The following USF2 variants were observed in gnomAD, a reference collection of about 807,000 sequenced individuals.
USF2 encodes upstream transcription factor 2, c-fos interacting.
In USF2, 16 loss-of-function variants were observed where a neutral mutation model predicts 46.9. That is an observed-to-expected ratio of 0.34 (90% CI 0.23 to 0.52). The LOEUF (loss-of-function observed/expected upper bound fraction) is 0.52. Among genes scored for constraint, USF2 ranks in the 20% least tolerant of loss-of-function variants. The pLI is 0.96. For missense variants in USF2, 411 were observed against 474.0 expected (o/e 0.87, Z 1.23); for synonymous variants, 239 against 194.1 (o/e 1.23, Z -1.92).
intron 4 of USF2, 24 bp from the exon 5 acceptor site, chr19:35,270,423 A>G: frequency 1.9e-6 from 3 of 1,602,552 alleles, no homozygotes; most frequent in Non-Finnish European, 2.6e-6. Flanking sequence ...AGCTAAGGGT[A>G]GCCTCTGCCC....
chr19:35,270,317 T>C (rs1393180845), intron 4 of USF2, 130 bp from the exon 5 acceptor site: 9 of 1,341,566 alleles, frequency 6.7e-6, no homozygotes, highest in Non-Finnish European at 9.1e-6. Flanking sequence ...CAGGACAGAA[T>C]GCTACACGCA....
At chr19:35,273,960 G>C (rs1296299957) in intron 7 of USF2, among the ~76,000 whole-genome samples, 2 of 152,200 alleles carry the variant, frequency 1.3e-5, no homozygotes, top group African/African-American at 4.8e-5. Flanking sequence ...CCTTGTAGGT[G>C]TTCCTCTTTT....
chr19:35,278,584 C>G (rs1340609754), intron 7 of USF2, 114 bp from the exon 8 acceptor site: 1 of 1,057,508 alleles, frequency 9.5e-7, no homozygotes, highest in Admixed American at 2.0e-5. Flanking sequence ...GCTGTGGTCT[C>G]GGTGGGGCCT....
chr19:35,270,211 G>A, intron 4 of USF2: 1 of 861,140 alleles, frequency 1.2e-6, no homozygotes, highest in Non-Finnish European at 1.7e-6. Flanking sequence ...AAATGGGAAT[G>A]ATGTGTCTTA....
chr19:35,270,452 G>A lies in USF2; in HGVS notation c.435G>A (p.Val145=), dbSNP rs367723306. 6.2e-7 allele frequency: 1 copy of A among 1,612,908 alleles called. No individual in the cohort carries two copies. The highest frequency in any genetic ancestry group is 1.3e-5 in the African/African-American group (1 of 75,036). ...TCTGCCCTCCTACTCCCCAGGCTGT[G>A]ATCCAAAATCCCTTCAGCAATGGTG... ...PGPAAPFPLA[V]IQNPFSNGGS... Residue 145 remains valine, a synonymous_variant, in exon 5 of 10, where the codon GTG becomes GTA. Coordinates refer to ENST00000222305, the MANE Select transcript of USF2 (RefSeq NM_003367.4).
intron 7 of USF2, chr19:35,274,948 G>A (rs1415021606): frequency 7.8e-6 from 1 of 128,420 alleles, no homozygotes; most frequent in Non-Finnish European, 1.7e-5. Context: ...GCTAGAAATC[G>A]AGACTTATGT....
chr19:35,271,606 A>G (rs945701953), intron 7 of USF2, among the ~76,000 whole-genome samples: 3 of 152,166 alleles, frequency 2.0e-5, no homozygotes, highest in African/African-American at 4.8e-5. Flanking sequence ...GCCTCTGGCT[A>G]CCTAAGGCCG....
At chr19:35,274,358 T>C (rs1017708211) in intron 7 of USF2, among the ~76,000 whole-genome samples, 4 of 152,330 alleles carry the variant, frequency 2.6e-5, no homozygotes, top group African/African-American at 7.2e-5. Flanking sequence ...GTTTCTCTTC[T>C]GTGGTGATTT....
chr19:35,269,457 G>A lies in USF2; in HGVS notation c.74G>A (p.Gly25Glu), dbSNP rs777135887. 3 of 1,543,878 alleles carry A rather than the reference G, an allele frequency of 1.9e-6. No individual in the cohort carries two copies. The highest frequency in any genetic ancestry group is 2.6e-6 in the Non-Finnish European group (3 of 1,153,876). The change falls in exon 2 of 10, where the codon GGA becomes GAA. Residue 25 changes from glycine (G) to glutamate (E), a missense_variant. Gly to Glu is a moderately conservative substitution (Grantham distance 98, BLOSUM62 -2). This residue lies in a region of USF2 where 318 missense variants were observed against 322.4 expected (regional missense o/e 0.99). Transcript: ENST00000222305. ...TAAAAASHDK[G>E]PEAEEGVELQ... is the part of the protein sequence containing the mutation. ...TGTGCCCCTGGCAGCCACGACAAGG[G>A]ACCCGAGGCGGAGGAGGGCGTCGAG...
Position 35,269,895 on chromosome 19 carries a change from C to CG in USF2, c.322dup (p.Ala108GlyfsTer119). 7.1e-7 allele frequency: 1 copy of CG among 1,401,400 alleles called. No homozygotes were observed. The highest frequency in any genetic ancestry group is 9.2e-7 in the Non-Finnish European group (1 of 1,086,698). The allele number at this position is 1,401,400 out of a possible 1,614,324, so 86.8% of individuals were successfully genotyped here. ...TCAGCGTCGTGTCCACCGCTGCCTT[C>CG]GCGGGGGGGCAGCAGGCTGTGACCC... is the stretch of plus-strand genomic sequence containing the variant. On this transcript the variant is annotated frameshift_variant, in exon 4 of 10. Coordinates refer to ENST00000222305, the MANE Select transcript of USF2 (RefSeq NM_003367.4). LOFTEE classifies it high-confidence loss of function.
Position 35,269,134 on chromosome 19 carries a change from T to C in USF2, c.33T>C (p.Ala11=). 1 of 854,706 alleles carries C rather than the reference T, an allele frequency of 1.2e-6. No individual in the cohort carries two copies. Among genetic ancestry groups the C allele is most frequent in the Non-Finnish European group, 1.4e-6 (1 of 712,642 alleles). 52.9% of individuals were successfully genotyped at this position (854,706 alleles called of 1,614,324 possible). A position where few individuals can be genotyped will look rare whatever the true frequency, so the allele number is the denominator to read the frequency against. ...TGCTGGACCCGGGTCTGGATCCCGC[T>C]GCCTCGGCCACCGCTGCTGCCGCCG... MDMLDPGLDP[A]ASATAAAAAS... is the part of the protein sequence containing the mutation. The change falls in exon 1 of 10, where the codon GCT becomes GCC. Residue 11 remains alanine, a synonymous_variant. Transcript: ENST00000222305.
At chr19:35,269,746 C>G (rs988096114) in intron 3 of USF2, 47 bp downstream of exon 3, 32 of 1,468,446 alleles carry the variant, frequency 2.2e-5, no homozygotes, top group African/African-American at 7.4e-5. Flanking sequence ...GCGGGCGCGC[C>G]GGGAAGGCTC....
chr19:35,275,794 T>G (rs1428005715), intron 7 of USF2: 1 of 152,178 alleles, frequency 6.6e-6, no homozygotes, highest in Non-Finnish European at 1.5e-5. Context: ...TCCTTGAAAT[T>G]CGATGAGACT....
chr19:35,271,037 A>G (rs2066147205), intron 6 of USF2, 46 bp from the exon 7 acceptor site: 1 of 1,607,416 alleles, frequency 6.2e-7, no homozygotes, highest in Non-Finnish European at 8.5e-7. Context: ...TTGGGCAAAC[A>G]GCTCTGCGAT....
intron 7 of USF2, 146 bp downstream of exon 7, chr19:35,271,287 G>A: frequency 4.6e-6 from 4 of 876,710 alleles, no homozygotes; most frequent in Non-Finnish European, 7.1e-6. Context: ...TGTAAAGGTA[G>A]AAAGTGAGCA....
chr19:35,272,808 C>A (rs2066175983), intron 7 of USF2, among the ~76,000 whole-genome samples: 1 of 151,938 alleles, frequency 6.6e-6, no homozygotes. Context: ...GAACTCCCCT[C>A]CATGCTTGGA....
Position 35,279,203 on chromosome 19 carries a change from G to A in USF2, c.988G>A (p.Ala330Thr), listed in dbSNP as rs369112998. The change falls in exon 10 of 10, where the codon GCC becomes ACC. Residue 330 changes from alanine (A) to threonine (T), a missense_variant. Transcript: ENST00000222305. ...ELKNENALLR[A>T]QLQQHNLEMV... is the part of the protein sequence containing the mutation. ...GAAGAATGAGAACGCCCTGCTTCGA[G>A]CCCAGCTGCAGCAGCACAACCTGGA... 8 of 1,597,730 alleles carry A rather than the reference G, an allele frequency of 5.0e-6. No individual in the cohort carries two copies. The highest frequency in any genetic ancestry group is 6.8e-6 in the Non-Finnish European group (8 of 1,171,912).
In USF2 at chr19:35,269,898, G is replaced by T. The variant is rs1273148049; in HGVS notation, c.324G>T (p.Ala108=). 2 of 1,398,072 alleles carry T rather than the reference G, an allele frequency of 1.4e-6. No individual in the cohort carries two copies. The highest frequency in any genetic ancestry group is 1.8e-6 in the Non-Finnish European group (2 of 1,085,064). 86.6% of individuals were successfully genotyped at this position (1,398,072 alleles called of 1,614,324 possible). ...GCGTCGTGTCCACCGCTGCCTTCGC[G>T]GGGGGGCAGCAGGCTGTGACCCAGG... ...AVSVVSTAAF[A]GGQQAVTQVG... Residue 108 remains alanine (A), a synonymous_variant, in exon 4 of 10, where the codon GCG becomes GCT. Transcript: ENST00000222305.
chr19:35,269,808 A>C lies in USF2; in HGVS notation c.234A>C (p.Thr78=), dbSNP rs1055895124. Reference sequence around the variant, plus strand: ...CGCTCTGCCGCCCCCTGCAGGTGACATACCGCGTAGTCCAGGTGACTGATG... The same window carrying C: ...CGCTCTGCCGCCCCCTGCAGGTGACCTACCGCGTAGTCCAGGTGACTGATG... The part of the protein sequence containing the change: ...FRTETNGGQV[T]YRVVQVTDGQ... Residue 78 remains threonine, a synonymous_variant, in exon 4 of 10, where the codon ACA becomes ACC. Coordinates refer to ENST00000222305, the MANE Select transcript of USF2 (RefSeq NM_003367.4). The C allele has an allele frequency of 4.7e-6, 7 of 1,492,048 alleles. No individual in the cohort carries two copies. Among genetic ancestry groups the C allele is most frequent in the Middle Eastern group, 4.5e-4 (2 of 4,428 alleles). The allele number at this position is 1,492,048 out of a possible 1,614,324, so 92.4% of individuals were successfully genotyped here. A position where few individuals can be genotyped will look rare whatever the true frequency, so the allele number is the denominator to read the frequency against.
Sources: gnomAD v4.1 joint callset for allele counts (sites outside exome capture counted in the v4.1 genomes callset) on GRCh38, gnomAD v4.1.1 for gene constraint, gnomAD v4.1.1 regional missense constraint, MANE v1.5 for transcripts, NCBI Gene and HGNC (gene_info 2026-07-23, HGNC 2026-07-21) for gene names.